The following VOPP1 variants were observed in gnomAD, a reference collection of about 807,000 sequenced individuals.
The protein encoded by VOPP1 is VOPP1 WW domain binding protein.
In VOPP1, 8 loss-of-function variants were observed where a neutral mutation model predicts 23.5. The ratio of observed to expected loss-of-function variants is 0.34; its 90% CI spans 0.20 to 0.61. VOPP1 has a LOEUF of 0.61. VOPP1 is among the 20% of genes least tolerant of loss of function. The pLI, the probability that VOPP1 is intolerant of heterozygous loss-of-function variation, is 0.78. For synonymous variants in VOPP1, 83 were observed against 97.3 expected, an observed-to-expected ratio of 0.85 and a Z score of 0.86; for missense variants, 174 against 238.1, an observed-to-expected ratio of 0.73 and a Z score of 1.77.
At chr7:55,461,018 A>C (rs550311208) in intron 4 of VOPP1, among the ~76,000 whole-genome samples, 29 of 152,030 alleles carry the variant, frequency 1.9e-4, no homozygotes, top group African/African-American at 7.0e-4. Flanking sequence ...TGTGTGTTTT[A>C]TATATATTAT....
intron 1 of VOPP1, among the ~76,000 whole-genome samples, chr7:55,533,064 G>A (rs1300828314): frequency 1.3e-5 from 2 of 152,172 alleles, no homozygotes; most frequent in East Asian, 3.9e-4. Flanking sequence ...CAGTGTGGAG[G>A]CCTAAGCTAA....
chr7:55,521,052 A>T lies in VOPP1; in HGVS notation c.113+20T>A. The T allele has an allele frequency of 6.4e-7, 1 of 1,562,566 alleles. No homozygotes were observed. On this transcript the variant is annotated intron_variant, in intron 2 of 4. Transcript: ENST00000285279. ...AGGTATGGCCACAGAATGAAACCAC[A>T]GAAAGGTGCAAATACTTACATATAA... is the stretch of plus-strand genomic sequence containing the variant.
intron 4 of VOPP1, among the ~76,000 whole-genome samples, chr7:55,459,899 T>C (rs1340398733): frequency 6.6e-6 from 1 of 152,124 alleles, no homozygotes; most frequent in Non-Finnish European, 1.5e-5. Context: ...CTTTTCCTTC[T>C]ACTAATTTTG....
Position 55,456,271 on chromosome 7 carries a change from T to C in VOPP1, n.418-20097A>G, listed in dbSNP as rs184685245. Among the ~76,000 whole-genome samples, 11 of 152,280 alleles carry C rather than the reference T, an allele frequency of 7.2e-5. No homozygotes were observed. In the East Asian group the frequency reaches 2.1e-3, roughly 29 times the overall value. On this transcript the variant is annotated intron_variant and non_coding_transcript_variant, in intron 4 of 4. Transcript: ENST00000462326. ...AGAAACCAACTCGTGCCAGTTAGAA[T>C]GGTGATCATTAAAAAGTCAGGAAAC...
chr7:55,524,824 T>C (rs751427579), intron 1 of VOPP1, among the ~76,000 whole-genome samples: 3 of 151,990 alleles, frequency 2.0e-5, no homozygotes, highest in African/African-American at 7.3e-5. Context: ...TGCTGCCAAG[T>C]CGAAGTCTGA....
chr7:55,521,004 T>C, intron 2 of VOPP1, 68 bp downstream of exon 2: 1 of 1,515,226 alleles, frequency 6.6e-7, no homozygotes, highest in Non-Finnish European at 9.0e-7. Flanking sequence ...ACCCAGAACT[T>C]TAGCAAGACA....
In VOPP1 at chr7:55,471,701, T is replaced by C. The variant is rs555638335; in HGVS notation, c.*1154A>G. 43 of 152,030 alleles carry C rather than the reference T, an allele frequency of 2.8e-4. No homozygotes were observed. The highest frequency in any genetic ancestry group is 1.0e-3 in the African/African-American group (43 of 41,380). 9.4% of individuals were successfully genotyped at this position (152,030 alleles called of 1,614,324 possible). A position where few individuals can be genotyped will look rare whatever the true frequency, so the allele number is the denominator to read the frequency against. ...GTGATTCCTATCCAGGAATGTGCATTTCCGACCACTTCTTCTTTATTCTAA... is the reference window on the plus strand; with the variant it reads ...GTGATTCCTATCCAGGAATGTGCATCTCCGACCACTTCTTCTTTATTCTAA... On this transcript the variant is annotated 3_prime_UTR_variant, in exon 5 of 5. Coordinates refer to ENST00000285279, the MANE Select transcript of VOPP1 (RefSeq NM_030796.5).
chr7:55,483,938 G>A (rs1449307063), intron 4 of VOPP1, among the ~76,000 whole-genome samples: 1 of 152,070 alleles, frequency 6.6e-6, no homozygotes, highest in Non-Finnish European at 1.5e-5. Context: ...TGTATTTTTA[G>A]TAGAGACAGG....
intron 1 of VOPP1, chr7:55,537,514 C>T: frequency 1.3e-6 from 2 of 1,536,152 alleles, no homozygotes; most frequent in Non-Finnish European, 1.7e-6. Context: ...AGCATGTGAG[C>T]CCGTCCTTCG....
chr7:55,463,878 G>A (rs1791568725), intron 4 of VOPP1, among the ~76,000 whole-genome samples: 2 of 152,214 alleles, frequency 1.3e-5, no homozygotes, highest in Non-Finnish European at 2.9e-5. Context: ...TCAATCCCCA[G>A]ATGCCTGGAC....
chr7:55,436,475 G>A (rs1340565052), intron 4 of VOPP1, among the ~76,000 whole-genome samples: 1 of 152,180 alleles, frequency 6.6e-6, no homozygotes, highest in Non-Finnish European at 1.5e-5. Context: ...TTTCATGTGA[G>A]GAAGCACTCA....
At chr7:55,533,023 G>A (rs896466975) in intron 1 of VOPP1, among the ~76,000 whole-genome samples, 4 of 152,228 alleles carry the variant, frequency 2.6e-5, no homozygotes, top group Non-Finnish European at 4.4e-5. Context: ...AGCAGCATCT[G>A]TGTATCAGAA....
At chr7:55,564,659 A>T (rs991677844) in intron 1 of VOPP1, among the ~76,000 whole-genome samples, 6 of 152,190 alleles carry the variant, frequency 3.9e-5, no homozygotes, top group African/African-American at 1.4e-4. Flanking sequence ...AATCGACAGG[A>T]TAAGGAAACC....
At chr7:55,559,549 T>G (rs1584121183) in intron 1 of VOPP1, among the ~76,000 whole-genome samples, 1 of 152,236 alleles carries the variant, frequency 6.6e-6, no homozygotes, top group African/African-American at 2.4e-5. Context: ...AAGTAACCTG[T>G]GATCTCAATT....
chr7:55,507,602 A>C (rs1260480948), intron 2 of VOPP1, among the ~76,000 whole-genome samples: 1 of 152,150 alleles, frequency 6.6e-6, no homozygotes, highest in Non-Finnish European at 1.5e-5. Flanking sequence ...CATCTTTCCA[A>C]ACACAAGATT....
chr7:55,437,574 A>C (rs969932318), intron 4 of VOPP1, among the ~76,000 whole-genome samples: 7 of 152,280 alleles, frequency 4.6e-5, no homozygotes, highest in Admixed American at 2.0e-4. Context: ...TAATAGGCCT[A>C]GTCCTGGTTC....
At chr7:55,531,933 T>C (rs577372426) in intron 1 of VOPP1, among the ~76,000 whole-genome samples, 9 of 152,366 alleles carry the variant, frequency 5.9e-5, no homozygotes, top group Middle Eastern at 3.4e-3. Context: ...AAATATCAAC[T>C]TCTTACCTTT....
intron 1 of VOPP1, chr7:55,562,085 G>A (rs1442391493): frequency 4.3e-6 from 3 of 702,908 alleles, no homozygotes; most frequent in East Asian, 5.4e-5. Flanking sequence ...GGCTCCAGGT[G>A]CAGGTAATTG....
At chr7:55,532,417 T>C (rs1796545962) in intron 1 of VOPP1, among the ~76,000 whole-genome samples, 1 of 151,742 alleles carries the variant, frequency 6.6e-6, no homozygotes, top group African/African-American at 2.4e-5. Flanking sequence ...CCCACTATTC[T>C]AAGAGCCTCC....
Sources: gnomAD v4.1 joint callset for allele counts (sites outside exome capture counted in the v4.1 genomes callset) on GRCh38, gnomAD v4.1.1 for gene constraint, MANE v1.5 for transcripts, NCBI Gene and HGNC (gene_info 2026-07-23, HGNC 2026-07-21) for gene names.